The following GTF3C1 variants were observed in gnomAD, a reference collection of about 807,000 sequenced individuals.
GTF3C1 encodes the protein general transcription factor IIIC subunit 1.
GTF3C1 carries 57 observed loss-of-function variants against 226.7 expected under a neutral mutation model. The ratio of observed to expected loss-of-function variants is 0.25; its 90% CI spans 0.20 to 0.31. GTF3C1 has a LOEUF of 0.31. GTF3C1 is among the 10% of genes least tolerant of loss of function. The pLI is 1.00. For missense variants in GTF3C1, 2,217 were observed against 2,776.1 expected (o/e 0.80, Z 4.53); for synonymous variants, 1,090 against 1,084.8 (o/e 1.00, Z -0.09).
At chr16:27,490,257 GT>G (rs1206999635) in intron 19 of GTF3C1, among the ~76,000 whole-genome samples, 3 of 152,220 alleles carry the variant, frequency 2.0e-5, no homozygotes, top group Admixed American at 2.0e-4. Flanking sequence ...TGCTCAAGAG[GT>G]TTGCTAATGG....
In GTF3C1 at chr16:27,462,314, C is replaced by T. The variant is rs1313121593; in HGVS notation, c.6097G>A (p.Ala2033Thr). The change falls in exon 36 of 37, where the codon GCC becomes ACC. Residue 2033 changes from alanine (A) to threonine (T), a missense_variant. Physicochemically the swap from Ala to Thr is moderately conservative, Grantham distance 58. Around this residue, in one of 12 missense-constraint regions of GTF3C1, gnomAD observed 153 missense variants for 199.8 expected, o/e 0.77. Transcript: ENST00000356183. The surrounding 1 kb of genome is among the most constrained non-coding windows in gnomAD (Gnocchi z 4.5). ...CACACCTGGAGCAACTCCAGCACGG[C>T]GACGGGCTGCAGGACCCCCTGGTAG... ...RHYQGVLQPV[A>T]VLELLQGLES... The T allele has an allele frequency of 9.6e-6, 15 of 1,554,906 alleles. No homozygotes were observed. The highest frequency in any genetic ancestry group is 1.9e-5 in the Admixed American group (1 of 51,384).
rs562415913 is a variant in GTF3C1, at chr16:27,533,992, C to T, written c.753-605G>A. Among the ~76,000 whole-genome samples the T allele has an allele frequency of 3.9e-5, 6 of 152,088 alleles. No homozygotes were observed. In the East Asian group the frequency reaches 5.8e-4, roughly 15 times the overall value. On this transcript the variant is annotated intron_variant, in intron 4 of 36. Coordinates refer to ENST00000356183, the MANE Select transcript of GTF3C1 (RefSeq NM_001520.4). Reference sequence around the variant, plus strand: ...CTGCATTCCAGCTTGGGTGACAGAGCGAGACTCCATCTCAAAGAAAAACAA... The same window carrying T: ...CTGCATTCCAGCTTGGGTGACAGAGTGAGACTCCATCTCAAAGAAAAACAA...
rs926360843 is a variant in GTF3C1, at chr16:27,533,322, A to G, written c.818T>C (p.Ile273Thr). The G allele has an allele frequency of 3.1e-6, 5 of 1,603,704 alleles. No homozygotes were observed. Among genetic ancestry groups the G allele is most frequent in the Non-Finnish European group, 4.3e-6 (5 of 1,170,724 alleles). ...SVMLSTRTNH[I>T]ETLGKLREEL... ...TTCCCTCAGCTTTCCCAGCGTCTCT[A>G]TGTGGTTAGTCCGTGTGCTCAGCAT... The change falls in exon 5 of 37, where the codon ATA becomes ACA. Residue 273 changes from isoleucine (I) to threonine (T), a missense_variant. Around this residue, in one of 12 missense-constraint regions of GTF3C1, gnomAD observed 163 missense variants for 234.3 expected, o/e 0.70. Coordinates refer to ENST00000356183, the MANE Select transcript of GTF3C1 (RefSeq NM_001520.4).
intron 20 of GTF3C1, 42 bp downstream of exon 20, chr16:27,489,560 G>A (rs201218383): frequency 5.3e-6 from 8 of 1,516,094 alleles, no homozygotes; most frequent in East Asian, 4.6e-5. Context: ...GAGCACCACC[G>A]CAGCCCAGTC....
chr16:27,469,194 T>G lies in GTF3C1; in HGVS notation c.5074+97A>C, dbSNP rs1458848706. 4 of 1,280,692 alleles carry G rather than the reference T, an allele frequency of 3.1e-6. No individual in the cohort carries two copies. The highest frequency in any genetic ancestry group is 3.2e-6 in the Non-Finnish European group (3 of 945,402). The allele number at this position is 1,280,692 out of a possible 1,614,324, so 79.3% of individuals were successfully genotyped here. On this transcript the variant is annotated intron_variant, in intron 32 of 36. Coordinates refer to ENST00000356183, the MANE Select transcript of GTF3C1 (RefSeq NM_001520.4). The surrounding 1 kb of genome is among the most constrained non-coding windows in gnomAD (Gnocchi z 4.5). ...GTGTTCTGTGGCTGCACGCCTGGCC[T>G]GGGGAGCCTGAAGGTCTAGGTCCCA...
chr16:27,543,241 C>A (rs2089114440), intron 2 of GTF3C1, among the ~76,000 whole-genome samples: 2 of 152,184 alleles, frequency 1.3e-5, no homozygotes, highest in South Asian at 4.1e-4. Flanking sequence ...CAAAAATAAG[C>A]TGGGCGTGGT....
At chr16:27,524,240 G>A (rs970200199) in intron 6 of GTF3C1, among the ~76,000 whole-genome samples, 1 of 152,228 alleles carries the variant, frequency 6.6e-6, no homozygotes, top group Non-Finnish European at 1.5e-5. Context: ...AAGGAATAAA[G>A]TTCAATGTTT....
intron 25 of GTF3C1, chr16:27,483,502 T>C (rs1377507329): frequency 2.2e-6 from 1 of 462,880 alleles, no homozygotes; most frequent in African/African-American, 2.0e-5. Context: ...TTAAGCTCTC[T>C]AATCTACTGC....
intron 33 of GTF3C1, 76 bp from the exon 34 acceptor site, chr16:27,464,912 T>C: frequency 8.2e-7 from 1 of 1,226,980 alleles, no homozygotes; most frequent in South Asian, 1.6e-5. Flanking sequence ...ACGAGTGGAG[T>C]GGCCTCCCCT....
chr16:27,508,639 C>T lies in GTF3C1; in HGVS notation c.1143G>A (p.Thr381=), dbSNP rs771013172. ...GGATTTCAGCTTGGGAAATTCCTTTCGTGCCTCTGCGCTCAACTGTGAGAA... is the reference window on the plus strand; with the variant it reads ...GGATTTCAGCTTGGGAAATTCCTTTTGTGCCTCTGCGCTCAACTGTGAGAA... ...QTYDLIERRG[T]KGISQAEIRV... Residue 381 remains threonine (T), a synonymous_variant, in exon 8 of 37, where the codon ACG becomes ACA. Transcript: ENST00000356183. 89 of 1,613,842 alleles carry T rather than the reference C, an allele frequency of 5.5e-5. 1 individual carries two copies. The highest frequency in any genetic ancestry group is 3.3e-4 in the Middle Eastern group (2 of 6,082).
chr16:27,537,979 GTA>G, intron 3 of GTF3C1, 52 bp from the exon 4 acceptor site: 10 of 1,576,804 alleles, frequency 6.3e-6, no homozygotes, highest in Non-Finnish European at 8.7e-6. Context: ...TTTTATCAAT[GTA>G]TAGAGTCTCT....
At chr16:27,541,511 T>C (rs1377516924) in intron 2 of GTF3C1, among the ~76,000 whole-genome samples, 3 of 152,208 alleles carry the variant, frequency 2.0e-5, no homozygotes, top group Non-Finnish European at 4.4e-5. Context: ...TCCCTGCCTT[T>C]GAGCAACGTA....
intron 19 of GTF3C1, among the ~76,000 whole-genome samples, chr16:27,491,430 G>A (rs1336480956): frequency 2.6e-5 from 4 of 152,168 alleles, no homozygotes; most frequent in African/African-American, 4.8e-5. Context: ...TGCCGACTGT[G>A]CACCCGACAC....
At chr16:27,479,139 G>A (rs985694692) in intron 27 of GTF3C1, among the ~76,000 whole-genome samples, 1 of 152,182 alleles carries the variant, frequency 6.6e-6, no homozygotes, top group East Asian at 1.9e-4. Flanking sequence ...AAAGAAGTTG[G>A]TGAGGCGACA....
Position 27,489,868 on chromosome 16 carries a change from C to A in GTF3C1, c.3152-125G>T. 4.6e-6 allele frequency: 4 copies of A among 877,288 alleles called. No individual in the cohort carries two copies. The South Asian group carries it at 6.6e-5, about 14-fold the overall frequency. The allele number at this position is 877,288 out of a possible 1,614,324, so 54.3% of individuals were successfully genotyped here. ...CTGTGAAAAGGCTCCCCGGCCACTG[C>A]GGGGGTCTGAGATTGGTAAGACCTC... On this transcript the variant is annotated intron_variant, in intron 19 of 36. Coordinates refer to ENST00000356183, the MANE Select transcript of GTF3C1 (RefSeq NM_001520.4).
Position 27,481,037 on chromosome 16 carries a change from G to A in GTF3C1, c.4196+42C>T, listed in dbSNP as rs539797354. Reference sequence around the variant, plus strand: ...GAGACAGGGCTGGCCTTTTCTTCTTGCCCTGCGAGGGCCACATGGAACCAT... The same window carrying A: ...GAGACAGGGCTGGCCTTTTCTTCTTACCCTGCGAGGGCCACATGGAACCAT... On this transcript the variant is annotated intron_variant, in intron 27 of 36. Coordinates refer to ENST00000356183, the MANE Select transcript of GTF3C1 (RefSeq NM_001520.4). The A allele has an allele frequency of 3.9e-4, 597 of 1,514,110 alleles. 8 individuals are homozygous for A. In the South Asian group the frequency reaches 6.4e-3, roughly 16 times the overall value. The allele number at this position is 1,514,110 out of a possible 1,614,324, so 93.8% of individuals were successfully genotyped here. A position where few individuals can be genotyped will look rare whatever the true frequency, so the allele number is the denominator to read the frequency against.
chr16:27,547,720 GT>G (rs1250642708), intron 1 of GTF3C1, among the ~76,000 whole-genome samples: 2 of 151,690 alleles, frequency 1.3e-5, no homozygotes, highest in African/African-American at 4.9e-5. Flanking sequence ...CTGGAGTGCA[GT>G]GGCACAATCT....
Position 27,537,832 on chromosome 16 carries a change from G to C in GTF3C1, c.704C>G (p.Ala235Gly). The C allele has an allele frequency of 6.2e-7, 1 of 1,612,070 alleles. No homozygotes were observed. The highest frequency in any genetic ancestry group is 1.1e-5 in the South Asian group (1 of 91,018). Residue 235 changes from alanine (A) to glycine (G), a missense_variant, in exon 4 of 37, where the codon GCC becomes GGC. Physicochemically the swap from Ala to Gly is moderately conservative, Grantham distance 60 (BLOSUM62 0). This residue lies in a region of GTF3C1 where 163 missense variants were observed against 234.3 expected (regional missense o/e 0.70). Coordinates refer to ENST00000356183, the MANE Select transcript of GTF3C1 (RefSeq NM_001520.4). ...TAGGAGGAGGATTGAGTGTTGCTGGGCTCCAGTGGGTAATCGGATCACATG... is the reference window on the plus strand; with the variant it reads ...TAGGAGGAGGATTGAGTGTTGCTGGCCTCCAGTGGGTAATCGGATCACATG... Reference protein sequence around the residue: ...QSHVIRLPTGAQQHSILLLLN... With the variant: ...QSHVIRLPTGGQQHSILLLLN...
chr16:27,517,397 C>T (rs1298031061), intron 6 of GTF3C1, among the ~76,000 whole-genome samples: 1 of 152,216 alleles, frequency 6.6e-6, no homozygotes, highest in Non-Finnish European at 1.5e-5. Context: ...CGCACGTCAT[C>T]CAGGGTGAGC....
Sources: gnomAD v4.1 joint callset for allele counts (sites outside exome capture counted in the v4.1 genomes callset) on GRCh38, gnomAD v4.1.1 for gene constraint, gnomAD v4.1.1 regional missense constraint, Gnocchi (gnomAD v3.1) non-coding constraint, MANE v1.5 for transcripts, NCBI Gene and HGNC (gene_info 2026-07-23, HGNC 2026-07-21) for gene names.